The following STARD13 variants were observed in gnomAD, a reference collection of about 807,000 sequenced individuals.
STARD13 encodes StAR related lipid transfer domain containing 13, also known as stAR-related lipid transfer protein 13.
STARD13 carries 62 observed loss-of-function variants against 106.4 expected under a neutral mutation model. The observed-to-expected ratio is 0.58, with a 90% CI of 0.48 to 0.72. The LOEUF (loss-of-function observed/expected upper bound fraction) is 0.72. Ranked by LOEUF, STARD13 falls within the 30% of genes least tolerant of loss-of-function variation. The pLI, the probability that STARD13 is intolerant of heterozygous loss-of-function variation, is 0.00. For missense variants in STARD13, 1,387 were observed against 1,424.0 expected (o/e 0.97, Z 0.42); for synonymous variants, 565 against 553.0 (o/e 1.02, Z -0.31).
At chr13:33,378,789 C>CA in the STARD13 span, among the ~76,000 whole-genome samples, 3 of 107,392 alleles carry the variant, frequency 2.8e-5, no homozygotes, top group Middle Eastern at 5.6e-3. Flanking sequence ...GACTCTGACT[C>CA]AAAAAAACAA....
Position 33,129,416 on chromosome 13 carries a change from T to C in STARD13, c.1261A>G (p.Ser421Gly), listed in dbSNP as rs1877844064. The C allele has an allele frequency of 6.2e-7, 1 of 1,614,094 alleles. No homozygotes were observed. Among genetic ancestry groups the C allele is most frequent in the South Asian group, 1.1e-5 (1 of 91,090 alleles). ...SIESLSPTDS[S>G]NGVNWRTGSI... ...CCGGTCCTCCAATTAACCCCATTGC[T>C]ACTATCTGTGGGAGAGAGGCTTTCA... The change falls in exon 5 of 14, where the codon AGC (serine) becomes GGC (glycine). Residue 421 changes from serine to glycine, a missense_variant. Transcript: ENST00000336934.
intron 1 of STARD13, among the ~76,000 whole-genome samples, chr13:33,343,594 A>AAAC (rs2077986562): frequency 4.3e-5 from 4 of 93,306 alleles, no homozygotes; most frequent in Middle Eastern, 5.3e-3. Context: ...AAAAAAAAAA[A>AAAC]AAACAAATCT....
At chr13:33,648,209 G>A in the STARD13 span, among the ~76,000 whole-genome samples, 1 of 152,172 alleles carries the variant, frequency 6.6e-6, no homozygotes, top group Non-Finnish European at 1.5e-5. Flanking sequence ...AAGTAACTAA[G>A]GAAGGTAAGA....
At position 33,130,409 on chromosome 13, in the gene STARD13, C is replaced by T. The variant is rs191455687; in HGVS notation, c.388-120G>A. On this transcript the variant is annotated intron_variant, in intron 4 of 13. Transcript: ENST00000336934. This position sits in a 1 kb window ranked among gnomAD's most constrained non-coding sequence, Gnocchi z 4.1. Reference sequence around the variant, plus strand: ...TCCCTCCCCTCTGTCCTCCCATGCACAGGTGTGAGCTTCTTGGGCACCTCT... The same window carrying T: ...TCCCTCCCCTCTGTCCTCCCATGCATAGGTGTGAGCTTCTTGGGCACCTCT... 53 of 921,158 alleles carry T rather than the reference C, an allele frequency of 5.8e-5. No homozygotes were observed. The African/African-American group carries it at 8.4e-4, about 15-fold the overall frequency. 57.1% of individuals were successfully genotyped at this position (921,158 alleles called of 1,614,324 possible). A position where few individuals can be genotyped will look rare whatever the true frequency, so the allele number is the denominator to read the frequency against.
At chr13:33,369,216 C>G in the STARD13 span, among the ~76,000 whole-genome samples, 1 of 151,918 alleles carries the variant, frequency 6.6e-6, no homozygotes, top group Non-Finnish European at 1.5e-5. Flanking sequence ...GTAGCCTCCT[C>G]CCACCCTTGT....
chr13:33,465,571 TGCCTAAAA>T, the STARD13 span, among the ~76,000 whole-genome samples: 2 of 152,140 alleles, frequency 1.3e-5, no homozygotes, highest in Admixed American at 1.3e-4. Flanking sequence ...TCCTCCCCAT[TGCCTAAAA>T]GTCTCTGATA....
intron 1 of STARD13, among the ~76,000 whole-genome samples, chr13:33,335,564 C>T (rs1040736052): frequency 6.6e-6 from 1 of 152,252 alleles, no homozygotes; most frequent in Admixed American, 6.5e-5. Flanking sequence ...GTGCCTTGCA[C>T]ACGCCACTTA....
chr13:33,341,552 C>T (rs942436138), intron 1 of STARD13, among the ~76,000 whole-genome samples: 76 of 149,420 alleles, frequency 5.1e-4, no homozygotes, highest in African/African-American at 1.8e-3. Context: ...GATCGTGCCA[C>T]TGCACTCCAG....
chr13:33,359,113 C>T, the STARD13 span, among the ~76,000 whole-genome samples: 1 of 152,098 alleles, frequency 6.6e-6, no homozygotes, highest in Non-Finnish European at 1.5e-5. Context: ...GCATTGGCAA[C>T]CCGCTCAGGT....
chr13:33,573,410 A>G, the STARD13 span, among the ~76,000 whole-genome samples: 2 of 152,174 alleles, frequency 1.3e-5, no homozygotes, highest in Admixed American at 1.3e-4. Flanking sequence ...GATGCTGTAT[A>G]TATGCAAAAT....
chr13:33,311,539 T>G lies in STARD13; in HGVS notation c.124+38751A>C, dbSNP rs1284812198. 2.0e-5 allele frequency among the ~76,000 whole-genome samples: 3 copies of G among 152,244 alleles called. No individual in the cohort carries two copies. In the East Asian group the frequency reaches 5.8e-4, roughly 29 times the overall value. ...AGCTTCTGTTTCTTTATTTGCAAAA[T>G]GCAGATAGGAGATGTTTACCTTATA... On this transcript the variant is annotated intron_variant, in intron 1 of 5. Transcript: ENST00000567873.
At chr13:33,669,659 C>T in the STARD13 span, among the ~76,000 whole-genome samples, 1 of 151,698 alleles carries the variant, frequency 6.6e-6, no homozygotes, top group Non-Finnish European at 1.5e-5. Flanking sequence ...CCTCAGCCTC[C>T]CGAGTAGCTG....
chr13:33,617,945 G>T, the STARD13 span, among the ~76,000 whole-genome samples: 2 of 152,244 alleles, frequency 1.3e-5, no homozygotes, highest in African/African-American at 4.8e-5. Context: ...TTTAGAGCAG[G>T]AGGACCTCTC....
chr13:33,540,315 C>T, the STARD13 span, among the ~76,000 whole-genome samples: 3 of 152,190 alleles, frequency 2.0e-5, no homozygotes, highest in South Asian at 2.1e-4. Flanking sequence ...AAAGGAAGCA[C>T]ATTAAGGCTT....
chr13:33,161,697 T>G (rs1431553787), intron 3 of STARD13, among the ~76,000 whole-genome samples: 1 of 152,164 alleles, frequency 6.6e-6, no homozygotes, highest in Non-Finnish European at 1.5e-5. Flanking sequence ...CTGAAAATAG[T>G]CAATTTTACT....
the STARD13 span, among the ~76,000 whole-genome samples, chr13:33,671,666 GT>G: frequency 1.3e-5 from 2 of 152,206 alleles, no homozygotes; most frequent in Admixed American, 6.5e-5. Context: ...GGAATTTCAG[GT>G]TATAGTGGGC....
At chr13:33,295,822 T>C (rs563481244) in intron 1 of STARD13, among the ~76,000 whole-genome samples, 8 of 152,130 alleles carry the variant, frequency 5.3e-5, no homozygotes, top group Admixed American at 1.3e-4. Context: ...AGGAAGACTA[T>C]ATGGGGGAAA....
At chr13:33,308,520 CTTT>C (rs552526416) in intron 1 of STARD13, among the ~76,000 whole-genome samples, 16 of 88,552 alleles carry the variant, frequency 1.8e-4, no homozygotes, top group African/African-American at 5.7e-4. Context: ...CTTTTTCTTT[CTTT>C]TTTTTTTTTT....
At chr13:33,151,913 C>T (rs977756433) in intron 3 of STARD13, among the ~76,000 whole-genome samples, 2 of 152,080 alleles carry the variant, frequency 1.3e-5, no homozygotes, top group Non-Finnish European at 2.9e-5. Context: ...TGCAGAGAGG[C>T]AGAAACAGAG....
Sources: gnomAD v4.1 joint callset for allele counts (sites outside exome capture counted in the v4.1 genomes callset) on GRCh38, gnomAD v4.1.1 for gene constraint, Gnocchi (gnomAD v3.1) non-coding constraint, MANE v1.5 for transcripts, NCBI Gene and HGNC (gene_info 2026-07-23, HGNC 2026-07-21) for gene names.